Variants in KLHL32 observed in about 807,000 individuals in gnomAD.
The protein encoded by KLHL32 is kelch like family member 32.
KLHL32 carries 35 observed loss-of-function variants against 64.8 expected under a neutral mutation model. The ratio of observed to expected loss-of-function variants is 0.54; its 90% CI spans 0.41 to 0.72. The LOEUF (loss-of-function observed/expected upper bound fraction) is 0.72, where lower values mean the gene tolerates loss of function less well. Among genes scored for constraint, KLHL32 ranks in the 30% least tolerant of loss-of-function variants. KLHL32 has a pLI of 0.00. For synonymous variants in KLHL32, 259 were observed against 281.0 expected, an observed-to-expected ratio of 0.92 and a Z score of 0.78; for missense variants, 589 against 768.5, an observed-to-expected ratio of 0.77 and a Z score of 2.76.
intron 6 of KLHL32, among the ~76,000 whole-genome samples, chr6:97,097,805 G>A (rs1200600360): frequency 6.6e-6 from 1 of 152,128 alleles, no homozygotes; most frequent in African/African-American, 2.4e-5. Flanking sequence ...AAACGACAGG[G>A]ATACTTTAGC....
intron 1 of KLHL32, among the ~76,000 whole-genome samples, chr6:96,952,186 C>T (rs1360964485): frequency 6.6e-6 from 1 of 152,102 alleles, no homozygotes; most frequent in Non-Finnish European, 1.5e-5. Context: ...GCTTCAGCCA[C>T]CCAAGACCTT....
intron 4 of KLHL32, among the ~76,000 whole-genome samples, chr6:97,064,205 T>C (rs1789353429): frequency 6.6e-6 from 1 of 152,194 alleles, no homozygotes; most frequent in East Asian, 1.9e-4. Context: ...CCCCTTTCCC[T>C]AAAATACCTG....
chr6:97,027,856 T>C (rs1024562117), intron 3 of KLHL32, among the ~76,000 whole-genome samples: 3 of 152,214 alleles, frequency 2.0e-5, no homozygotes, highest in Admixed American at 6.5e-5. Flanking sequence ...TCAGATTAGA[T>C]ACTATTTCCA....
intron 3 of KLHL32, among the ~76,000 whole-genome samples, chr6:97,008,146 C>T (rs1933469): frequency 0.24 from 37,186 of 151,884 alleles, 5,883 homozygotes; most frequent in East Asian, 0.53. Context: ...GTGGTGGTGG[C>T]ATGGGGTTGG....
At chr6:97,072,659 C>T (rs1437215401) in intron 5 of KLHL32, among the ~76,000 whole-genome samples, 5 of 151,508 alleles carry the variant, frequency 3.3e-5, no homozygotes, top group East Asian at 1.9e-4. Context: ...CCTCTTCATA[C>T]GAAACCTCCT....
chr6:97,002,125 G>C (rs1779110519), intron 3 of KLHL32, among the ~76,000 whole-genome samples: 1 of 152,234 alleles, frequency 6.6e-6, no homozygotes, highest in Non-Finnish European at 1.5e-5. Context: ...TGAACTAGGA[G>C]AGGTGTTGGT....
intron 1 of KLHL32, among the ~76,000 whole-genome samples, chr6:96,936,571 A>G (rs73758066): frequency 0.029 from 4,365 of 152,310 alleles, 218 homozygotes; most frequent in African/African-American, 0.1. Flanking sequence ...GAATCTGACC[A>G]TATGTCACAA....
intron 8 of KLHL32, among the ~76,000 whole-genome samples, chr6:97,129,647 C>T (rs527747689): frequency 1.3e-4 from 20 of 152,190 alleles, no homozygotes; most frequent in South Asian, 6.2e-4. Context: ...TTTGGGAGGC[C>T]GAGGTGGGTG....
chr6:97,090,083 A>T (rs1369461240), intron 6 of KLHL32, among the ~76,000 whole-genome samples: 1 of 152,176 alleles, frequency 6.6e-6, no homozygotes, highest in Non-Finnish European at 1.5e-5. Context: ...TTTGTCCGTG[A>T]TTATCCATCC....
chr6:96,899,680 C>CAA, the KLHL32 span, among the ~76,000 whole-genome samples: 4 of 152,174 alleles, frequency 2.6e-5, no homozygotes, highest in Non-Finnish European at 4.4e-5. Context: ...CAGAAACTCA[C>CAA]AATTGGCTGT....
At chr6:97,046,475 G>T (rs1785943421) in intron 4 of KLHL32, among the ~76,000 whole-genome samples, 3 of 152,122 alleles carry the variant, frequency 2.0e-5, no homozygotes, top group Admixed American at 2.0e-4. Context: ...CACTATCTTG[G>T]TGGTTTTCTA....
chr6:96,965,127 T>C (rs1467756626), intron 1 of KLHL32, among the ~76,000 whole-genome samples: 1 of 152,262 alleles, frequency 6.6e-6, no homozygotes, highest in Admixed American at 6.5e-5. Context: ...TTAATTCGTT[T>C]TGCATAATGG....
intron 2 of KLHL32, among the ~76,000 whole-genome samples, chr6:96,967,716 A>G (rs1416053291): frequency 6.6e-6 from 1 of 152,218 alleles, no homozygotes; most frequent in African/African-American, 2.4e-5. Flanking sequence ...TATGGCGAAA[A>G]CAGACATTAA....
chr6:96,984,762 G>A (rs1182820650), intron 3 of KLHL32, among the ~76,000 whole-genome samples: 1 of 152,122 alleles, frequency 6.6e-6, no homozygotes, highest in East Asian at 1.9e-4. Flanking sequence ...GAGCCTATGT[G>A]TGTCTCTGCA....
At chr6:97,092,416 G>T (rs934455374) in intron 6 of KLHL32, among the ~76,000 whole-genome samples, 1 of 152,072 alleles carries the variant, frequency 6.6e-6, no homozygotes, top group African/African-American at 2.4e-5. Flanking sequence ...CGTACATGTG[G>T]TCCCAACTTA....
chr6:96,951,249 A>G (rs1236357945), intron 1 of KLHL32, among the ~76,000 whole-genome samples: 1 of 152,136 alleles, frequency 6.6e-6, no homozygotes, highest in East Asian at 1.9e-4. Context: ...GGCAAAGGAA[A>G]CAAACTGAGC....
intron 5 of KLHL32, among the ~76,000 whole-genome samples, chr6:97,080,567 G>A (rs1402858664): frequency 6.6e-6 from 1 of 152,208 alleles, no homozygotes; most frequent in Non-Finnish European, 1.5e-5. Context: ...AGACATATTT[G>A]CAGAGGGCAG....
intron 3 of KLHL32, among the ~76,000 whole-genome samples, chr6:96,987,956 G>C (rs1189711896): frequency 6.6e-6 from 1 of 152,176 alleles, no homozygotes; most frequent in Admixed American, 6.5e-5. Context: ...ATTAATTCAA[G>C]ATGGATGAAA....
At chr6:97,084,504 C>A (rs1793093437) in intron 5 of KLHL32, among the ~76,000 whole-genome samples, 1 of 152,160 alleles carries the variant, frequency 6.6e-6, no homozygotes, top group Non-Finnish European at 1.5e-5. Context: ...AAACAAAGAA[C>A]AATTACAAAT....
Sources: allele counts gnomAD v4.1 joint callset (sites outside exome capture counted in the v4.1 genomes callset), GRCh38; gene constraint gnomAD v4.1.1; transcripts MANE v1.5; gene names NCBI Gene and HGNC (gene_info 2026-07-23, HGNC 2026-07-21).